The following GPC5 variants were observed in gnomAD, a reference collection of about 807,000 sequenced individuals.
GPC5 encodes glypican-5.
In GPC5, 47 loss-of-function variants were observed where a neutral mutation model predicts 53.9. The ratio of observed to expected loss-of-function variants is 0.87; its 90% confidence interval spans 0.69 to 1.11. The LOEUF (loss-of-function observed/expected upper bound fraction) is 1.11. Among genes scored for constraint, GPC5 ranks in the 50% most tolerant of loss-of-function variants. The pLI is 0.00. For synonymous variants in GPC5, 286 were observed against 263.3 expected, an observed-to-expected ratio of 1.09 and a Z score of -0.84; for missense variants, 748 against 713.1, an observed-to-expected ratio of 1.05 and a Z score of -0.56.
chr13:92,342,929 T>G (rs767340199), intron 7 of GPC5, among the ~76,000 whole-genome samples: 2 of 152,190 alleles, frequency 1.3e-5, no homozygotes, highest in Non-Finnish European at 2.9e-5. Context: ...AATATCTCCA[T>G]GCACTTCCCT....
chr13:91,815,107 T>G (rs1157677598), intron 5 of GPC5, among the ~76,000 whole-genome samples: 1 of 152,192 alleles, frequency 6.6e-6, no homozygotes, highest in African/African-American at 2.4e-5. Context: ...GGCTCACACC[T>G]GTAATCCCAG....
chr13:91,805,082 A>G (rs1295417011), intron 5 of GPC5, among the ~76,000 whole-genome samples: 20 of 152,198 alleles, frequency 1.3e-4, no homozygotes, highest in Admixed American at 1.3e-3. Context: ...TGCCTTTAGC[A>G]AACTGGGCAG....
At chr13:91,506,768 T>C (rs1393273015) in intron 2 of GPC5, among the ~76,000 whole-genome samples, 5 of 152,112 alleles carry the variant, frequency 3.3e-5, no homozygotes, top group African/African-American at 1.2e-4. Context: ...AAAAATATAA[T>C]GAATTATTTA....
intron 2 of GPC5, among the ~76,000 whole-genome samples, chr13:91,485,213 CTTT>C (rs3052562): frequency 1.4e-3 from 194 of 141,264 alleles, no homozygotes; most frequent in South Asian, 5.6e-3. Flanking sequence ...ATCTTGGTCC[CTTT>C]TTTTTTTTTT....
chr13:92,220,656 CTTA>C (rs2042442196), intron 7 of GPC5, among the ~76,000 whole-genome samples: 1 of 152,118 alleles, frequency 6.6e-6, no homozygotes. Flanking sequence ...ATCTGATTCA[CTTA>C]TTGTCTAGCA....
intron 7 of GPC5, among the ~76,000 whole-genome samples, chr13:92,693,037 G>T (rs1887458817): frequency 6.6e-6 from 1 of 151,892 alleles, no homozygotes; most frequent in South Asian, 2.1e-4. Flanking sequence ...AAAGTGTTTG[G>T]CAGTTCCTAG....
At chr13:91,575,828 A>C (rs928949633) in intron 2 of GPC5, among the ~76,000 whole-genome samples, 1 of 152,196 alleles carries the variant, frequency 6.6e-6, no homozygotes, top group Non-Finnish European at 1.5e-5. Flanking sequence ...GTAACCATAC[A>C]TTTAAAAAAC....
Position 92,096,422 on chromosome 13 carries a change from T to C in GPC5, c.1402-48408T>C, listed in dbSNP as rs1307022295. 2.0e-5 allele frequency among the ~76,000 whole-genome samples: 3 copies of C among 152,206 alleles called. No homozygotes were observed. The South Asian group carries it at 6.2e-4, about 32-fold the overall frequency. ...CCTCATTGGTTTTCTCCCAAGCTATTTGTGATTGGCAGCATAATTCTCCCT... is the reference window on the plus strand; with the variant it reads ...CCTCATTGGTTTTCTCCCAAGCTATCTGTGATTGGCAGCATAATTCTCCCT... On this transcript the variant is annotated intron_variant, in intron 6 of 7. Coordinates refer to ENST00000377067, the MANE Select transcript of GPC5 (RefSeq NM_004466.6).
intron 2 of GPC5, among the ~76,000 whole-genome samples, chr13:91,450,265 T>TCCA (rs1324956694): frequency 9.9e-5 from 15 of 152,194 alleles, no homozygotes; most frequent in African/African-American, 3.4e-4. Context: ...TTTACTGATA[T>TCCA]ACATTTTAAA....
chr13:92,327,025 G>A (rs74110208), intron 7 of GPC5, among the ~76,000 whole-genome samples: 4,335 of 152,106 alleles, frequency 0.028, 215 homozygotes, highest in African/African-American at 0.1. Flanking sequence ...ATCTGTTTCA[G>A]GGTTCTCTTT....
chr13:92,804,277 G>T (rs1009423400), intron 7 of GPC5, among the ~76,000 whole-genome samples: 16 of 151,918 alleles, frequency 1.1e-4, no homozygotes, highest in African/African-American at 3.9e-4. Flanking sequence ...TTCAGCATCA[G>T]TATGTCTGGG....
intron 7 of GPC5, among the ~76,000 whole-genome samples, chr13:92,417,459 AG>A (rs1229341683): frequency 1.3e-5 from 2 of 152,204 alleles, no homozygotes; most frequent in Non-Finnish European, 2.9e-5. Context: ...AAAACATCAA[AG>A]TTATATCACC....
chr13:92,605,296 T>G (rs2139086824), intron 7 of GPC5, among the ~76,000 whole-genome samples: 1 of 152,326 alleles, frequency 6.6e-6, no homozygotes, highest in Non-Finnish European at 1.5e-5. Flanking sequence ...TTAAAAATGG[T>G]TTGTGATAAA....
chr13:91,632,686 A>G (rs755673813), intron 2 of GPC5, among the ~76,000 whole-genome samples: 25 of 152,082 alleles, frequency 1.6e-4, no homozygotes, highest in Non-Finnish European at 3.2e-4. Context: ...GAGAGAAAAG[A>G]TATATTAGGG....
intron 7 of GPC5, among the ~76,000 whole-genome samples, chr13:92,342,187 C>A (rs561531461): frequency 6.6e-6 from 1 of 152,226 alleles, no homozygotes; most frequent in Non-Finnish European, 1.5e-5. Context: ...CTACTTTGAC[C>A]TATTCAGTTG....
At chr13:91,956,535 C>G (rs1351446550) in intron 6 of GPC5, among the ~76,000 whole-genome samples, 1 of 152,036 alleles carries the variant, frequency 6.6e-6, no homozygotes, top group Non-Finnish European at 1.5e-5. Context: ...CCTGCCTGTG[C>G]CCACTAAAAC....
intron 2 of GPC5, among the ~76,000 whole-genome samples, chr13:91,539,989 A>C (rs569244490): frequency 9.1e-4 from 138 of 152,350 alleles, no homozygotes; most frequent in Middle Eastern, 3.4e-3. Flanking sequence ...GCTCCAAGTT[A>C]ATGTTTAACA....
At position 91,582,826 on chromosome 13, in the gene GPC5, A is replaced by G. The variant is rs538258303; in HGVS notation, c.326-110361A>G. Among the ~76,000 whole-genome samples, 3 of 152,262 alleles carry G rather than the reference A, an allele frequency of 2.0e-5. No individual in the cohort carries two copies. In the East Asian group the frequency reaches 5.8e-4, roughly 29 times the overall value. On this transcript the variant is annotated intron_variant, in intron 2 of 7. Transcript: ENST00000377067. ...TCAGGTGTTCGAGGCCAGTCTGGCCAACAAGGTGATACCGTGTCTCTACTA... is the reference window on the plus strand; with the variant it reads ...TCAGGTGTTCGAGGCCAGTCTGGCCGACAAGGTGATACCGTGTCTCTACTA...
chr13:91,728,601 A>G lies in GPC5; in HGVS notation c.1090A>G (p.Lys364Glu), dbSNP rs762006948. 1 of 1,613,586 alleles carries G rather than the reference A, an allele frequency of 6.2e-7. No homozygotes were observed. Among genetic ancestry groups the G allele is most frequent in the Non-Finnish European group, 8.5e-7 (1 of 1,179,626 alleles). Residue 364 changes from lysine (K) to glutamate (E), a missense_variant, in exon 4 of 8, where the codon AAA (lysine) becomes GAA (glutamate). Transcript: ENST00000377067. Reference protein sequence around the residue: ...QSPRCSFDQSKEKHGMKTTTR... With the variant: ...QSPRCSFDQSEEKHGMKTTTR... ...CCCCCGTTGTTCTTTTGATCAGAGC[A>G]AAGAGAAGCATGGAATGAAGACCAC...
Sources: gnomAD v4.1 joint callset for allele counts (sites outside exome capture counted in the v4.1 genomes callset) on GRCh38, gnomAD v4.1.1 for gene constraint, MANE v1.5 for transcripts, NCBI Gene and HGNC (gene_info 2026-07-23, HGNC 2026-07-21) for gene names.